PLD5: variants seen among roughly 807,000 people sequenced by gnomAD.
The protein encoded by PLD5 is phospholipase D family member 5, also known as inactive phospholipase D5.
PLD5 carries 36 observed loss-of-function variants against 61.1 expected under a neutral mutation model. The ratio of observed to expected loss-of-function variants is 0.59; its 90% CI spans 0.45 to 0.78. PLD5 has a LOEUF of 0.78. PLD5 is among the 30% of genes least tolerant of loss of function. PLD5 has a pLI of 0.00. For missense variants in PLD5, 515 were observed against 644.4 expected (o/e 0.80, Z 2.17); for synonymous variants, 243 against 242.8 (o/e 1.00, Z -0.01).
chr1:242,184,146 T>G (rs1318421043), intron 5 of PLD5, among the ~76,000 whole-genome samples: 1 of 152,196 alleles, frequency 6.6e-6, no homozygotes, highest in Non-Finnish European at 1.5e-5. Flanking sequence ...ACAAAGAGTT[T>G]TGCCTAACCC....
chr1:242,303,937 C>T (rs571265231), intron 2 of PLD5, among the ~76,000 whole-genome samples: 126 of 152,200 alleles, frequency 8.3e-4, no homozygotes, highest in African/African-American at 3.0e-3. Flanking sequence ...TAATAAATCC[C>T]ATTATTTGCA....
chr1:242,164,490 A>G (rs1666156451), intron 5 of PLD5, among the ~76,000 whole-genome samples: 1 of 152,190 alleles, frequency 6.6e-6, no homozygotes, highest in Admixed American at 6.5e-5. Context: ...CAGTACATGG[A>G]CATGTTATTT....
chr1:242,300,900 A>G (rs1407922664), intron 2 of PLD5, among the ~76,000 whole-genome samples: 6 of 152,192 alleles, frequency 3.9e-5, no homozygotes, highest in Non-Finnish European at 8.8e-5. Context: ...GGTAAGGCAG[A>G]TAGAAATATG....
At chr1:242,125,956 A>G (rs953284407) in intron 5 of PLD5, among the ~76,000 whole-genome samples, 1 of 152,160 alleles carries the variant, frequency 6.6e-6, no homozygotes, top group Non-Finnish European at 1.5e-5. Context: ...TACTTTCCCT[A>G]ATGCAAAAAT....
At chr1:242,304,571 G>A (rs1026192934) in intron 2 of PLD5, among the ~76,000 whole-genome samples, 5 of 152,248 alleles carry the variant, frequency 3.3e-5, no homozygotes, top group Middle Eastern at 3.4e-3. Flanking sequence ...AAAGTAGCAC[G>A]TAAGCCTATG....
chr1:242,166,389 G>A (rs1204028344), intron 5 of PLD5, among the ~76,000 whole-genome samples: 1 of 152,210 alleles, frequency 6.6e-6, no homozygotes, highest in East Asian at 1.9e-4. Flanking sequence ...AGGGTGGCTA[G>A]CCACTCTGGT....
chr1:242,169,089 C>G (rs1049189480), intron 5 of PLD5, among the ~76,000 whole-genome samples: 1 of 151,822 alleles, frequency 6.6e-6, no homozygotes, highest in South Asian at 2.1e-4. Context: ...ACACATGAAG[C>G]CTACCTTTCT....
At chr1:242,221,211 A>G (rs1670565866) in intron 4 of PLD5, among the ~76,000 whole-genome samples, 1 of 152,240 alleles carries the variant, frequency 6.6e-6, no homozygotes, top group Non-Finnish European at 1.5e-5. Context: ...AAATGCATTT[A>G]CAAACCTCTC....
At chr1:242,267,431 T>TAC (rs1673753579) in intron 3 of PLD5, among the ~76,000 whole-genome samples, 1 of 152,144 alleles carries the variant, frequency 6.6e-6, no homozygotes, top group Admixed American at 6.5e-5. Flanking sequence ...GAGGCTTCCT[T>TAC]TTAGTTTAAA....
intron 5 of PLD5, among the ~76,000 whole-genome samples, chr1:242,129,854 A>G (rs1663095476): frequency 6.6e-6 from 1 of 152,126 alleles, no homozygotes; most frequent in African/African-American, 2.4e-5. Flanking sequence ...CCATGTGTAC[A>G]CACTATTTAG....
At chr1:242,143,940 A>AAGCGATTCTCATGCCTCAGCCTCTCAAGT (rs370032553) in intron 5 of PLD5, among the ~76,000 whole-genome samples, 18 of 151,868 alleles carry the variant, frequency 1.2e-4, no homozygotes, top group East Asian at 3.9e-4. Context: ...TGCCAGGTTC[A>AAGCGATTCTCATGCCTCAGCCTCTCAAGT]AGCGATTCTC....
At chr1:242,093,126 T>C (rs1659966914) in intron 9 of PLD5, among the ~76,000 whole-genome samples, 2 of 152,196 alleles carry the variant, frequency 1.3e-5, no homozygotes, top group Admixed American at 1.3e-4. Flanking sequence ...TAATACTGTG[T>C]TGGTGTCGCT....
At chr1:242,520,773 T>C (rs1669255699) in intron 1 of PLD5, among the ~76,000 whole-genome samples, 1 of 152,194 alleles carries the variant, frequency 6.6e-6, no homozygotes. Context: ...TCACATCTTA[T>C]TAAATGGTTA....
At chr1:242,383,918 T>C (rs1300186491) in intron 1 of PLD5, among the ~76,000 whole-genome samples, 1 of 152,198 alleles carries the variant, frequency 6.6e-6, no homozygotes, top group Non-Finnish European at 1.5e-5. Context: ...TATGTACTTC[T>C]GGAAGGTAAA....
chr1:242,371,443 T>C (rs919006495), intron 1 of PLD5, among the ~76,000 whole-genome samples: 22 of 152,112 alleles, frequency 1.4e-4, no homozygotes, highest in African/African-American at 5.1e-4. Flanking sequence ...GGAAGACATG[T>C]GATGAACAGA....
At chr1:242,291,632 C>T (rs1675370991) in intron 2 of PLD5, among the ~76,000 whole-genome samples, 2 of 151,952 alleles carry the variant, frequency 1.3e-5, no homozygotes, top group African/African-American at 4.8e-5. Flanking sequence ...CGGTGAAACC[C>T]CGTCTCTACT....
chr1:242,467,122 G>A (rs1446457188), intron 1 of PLD5, among the ~76,000 whole-genome samples: 1 of 152,110 alleles, frequency 6.6e-6, no homozygotes, highest in Non-Finnish European at 1.5e-5. Context: ...AAAAAGGTAA[G>A]TCTGTGAAGT....
In PLD5 at chr1:242,460,942, C is replaced by A. The variant is rs373838657; in HGVS notation, c.189+63146G>T. On this transcript the variant is annotated intron_variant, in intron 1 of 9. Transcript: ENST00000536534. ...ATCACCTGAGGTCAGGAGTTCCAGA[C>A]CAGCCTGGGCAAGGTGGTGAAACCC... 1.3e-4 allele frequency among the ~76,000 whole-genome samples: 19 copies of A among 151,806 alleles called. No individual in the cohort carries two copies. In the East Asian group the frequency reaches 2.7e-3, roughly 22 times the overall value.
At chr1:242,173,394 T>C (rs1226033653) in intron 5 of PLD5, among the ~76,000 whole-genome samples, 1 of 152,020 alleles carries the variant, frequency 6.6e-6, no homozygotes, top group Non-Finnish European at 1.5e-5. Flanking sequence ...TTCAACGAAA[T>C]AAAAGAGGAT....
Sources: gnomAD v4.1 joint callset for allele counts (sites outside exome capture counted in the v4.1 genomes callset) on GRCh38, gnomAD v4.1.1 for gene constraint, MANE v1.5 for transcripts, NCBI Gene and HGNC (gene_info 2026-07-23, HGNC 2026-07-21) for gene names.